Variants in FAM185A observed in about 807,000 individuals in gnomAD.
FAM185A encodes protein FAM185A.
Under a neutral mutation model 45.7 loss-of-function variants are expected in FAM185A, and 21 were observed. The ratio of observed to expected loss-of-function variants is 0.46; its 90% confidence interval spans 0.33 to 0.66. The LOEUF is 0.66. Ranked by LOEUF, FAM185A falls within the 30% of genes least tolerant of loss-of-function variation. FAM185A has a pLI of 0.03. For synonymous variants in FAM185A, 117 were observed against 194.0 expected, an observed-to-expected ratio of 0.60 and a Z score of 3.30; for missense variants, 305 against 485.4, an observed-to-expected ratio of 0.63 and a Z score of 3.49.
chr7:102,807,700 T>C (rs1584375894), intron 7 of FAM185A, among the ~76,000 whole-genome samples: 1 of 147,096 alleles, frequency 6.8e-6, no homozygotes, highest in Non-Finnish European at 1.5e-5. Context: ...GATCACGAGG[T>C]AAGGAGTTCG....
intron 6 of FAM185A, among the ~76,000 whole-genome samples, chr7:102,784,587 T>C (rs1795649654): frequency 6.6e-6 from 1 of 152,050 alleles, no homozygotes; most frequent in Non-Finnish European, 1.5e-5. Flanking sequence ...AAAAACCATA[T>C]GATTATCTCA....
intron 3 of FAM185A, among the ~76,000 whole-genome samples, chr7:102,760,579 AT>A (rs1794051176): frequency 6.6e-6 from 1 of 152,056 alleles, no homozygotes; most frequent in African/African-American, 2.4e-5. Context: ...CCTTAATCTG[AT>A]AAAAATTATT....
chr7:102,769,528 T>C (rs1794620563), intron 4 of FAM185A, among the ~76,000 whole-genome samples: 1 of 150,650 alleles, frequency 6.6e-6, no homozygotes, highest in Admixed American at 6.6e-5. Context: ...CTGGATTCAC[T>C]AGCTAAATGA....
intron 5 of FAM185A, among the ~76,000 whole-genome samples, chr7:102,776,507 C>T (rs1474182999): frequency 6.6e-6 from 1 of 152,004 alleles, no homozygotes; most frequent in Non-Finnish European, 1.5e-5. Flanking sequence ...CTTAAAGATA[C>T]CTGTTCAATT....
At chr7:102,825,674 C>A in the FAM185A span, among the ~76,000 whole-genome samples, 1 of 152,106 alleles carries the variant, frequency 6.6e-6, no homozygotes, top group Non-Finnish European at 1.5e-5. Flanking sequence ...ATATAAGGAC[C>A]AGTTTCACTG....
intron 7 of FAM185A, among the ~76,000 whole-genome samples, chr7:102,792,437 T>C (rs1796192179): frequency 9.5e-6 from 1 of 104,950 alleles, no homozygotes; most frequent in Non-Finnish European, 1.8e-5. Context: ...AAATTTAACA[T>C]GTTGTGAGTG....
At chr7:102,782,665 A>G (rs954567620) in intron 6 of FAM185A, among the ~76,000 whole-genome samples, 111 of 152,246 alleles carry the variant, frequency 7.3e-4, no homozygotes, top group Admixed American at 1.5e-3. Context: ...AAACATGGAA[A>G]GGAACAACCA....
At chr7:102,824,651 A>G in the FAM185A span, among the ~76,000 whole-genome samples, 1 of 151,930 alleles carries the variant, frequency 6.6e-6, no homozygotes, top group African/African-American at 2.4e-5. Context: ...ACGCCCAACT[A>G]ATTTTTGTAT....
At chr7:102,752,261 T>C (rs1793407249) in intron 2 of FAM185A, among the ~76,000 whole-genome samples, 1 of 149,620 alleles carries the variant, frequency 6.7e-6, no homozygotes, top group Non-Finnish European at 1.5e-5. Flanking sequence ...TTCATCTTGT[T>C]TTGTAATTAA....
At chr7:102,835,602 T>TG in the FAM185A span, among the ~76,000 whole-genome samples, 137 of 109,556 alleles carry the variant, frequency 1.3e-3, 1 homozygote, top group African/African-American at 4.6e-3. Context: ...AAGGTGACAT[T>TG]GTTTTTTTTT....
At chr7:102,768,849 T>C (rs1794572035) in intron 4 of FAM185A, among the ~76,000 whole-genome samples, 1 of 152,112 alleles carries the variant, frequency 6.6e-6, no homozygotes, top group Admixed American at 6.5e-5. Context: ...GTCTGCTTTA[T>C]TGGAAAGAAG....
In FAM185A at chr7:102,775,016, T is replaced by G. The variant is rs147775461; in HGVS notation, c.836-2237T>G. 3.4e-4 allele frequency among the ~76,000 whole-genome samples: 51 copies of G among 152,184 alleles called. No individual in the cohort carries two copies. The East Asian group carries it at 7.5e-3, about 22-fold the overall frequency. On this transcript the variant is annotated intron_variant, in intron 5 of 7. Transcript: ENST00000413034. ...TGTGGTGTGTTTTGTTTTTGTTTTT[T>G]TTTTTTGCTTTTGCTGACTTTATTG...
At chr7:102,798,706 G>T (rs1303065526) in intron 7 of FAM185A, among the ~76,000 whole-genome samples, 2 of 152,150 alleles carry the variant, frequency 1.3e-5, no homozygotes, top group South Asian at 4.1e-4. Flanking sequence ...AGGATTTCCT[G>T]TTCTTTCCTC....
At chr7:102,763,170 A>G (rs1185349967) in intron 4 of FAM185A, among the ~76,000 whole-genome samples, 2 of 152,028 alleles carry the variant, frequency 1.3e-5, no homozygotes, top group Non-Finnish European at 2.9e-5. Context: ...CCTAGATGGT[A>G]GTAAAACAGG....
intron 5 of FAM185A, among the ~76,000 whole-genome samples, chr7:102,773,443 G>A (rs1794873631): frequency 6.6e-6 from 1 of 152,048 alleles, no homozygotes; most frequent in Non-Finnish European, 1.5e-5. Flanking sequence ...GGCTTAATTT[G>A]TTCATTCTAC....
At chr7:102,834,086 A>AAAAGAAAG in the FAM185A span, among the ~76,000 whole-genome samples, 3,746 of 93,560 alleles carry the variant, frequency 0.04, 147 homozygotes, top group South Asian at 0.064. Flanking sequence ...GGAAGGAAAG[A>AAAAGAAAG]AAAGAAAGAA....
At chr7:102,828,261 A>G in the FAM185A span, among the ~76,000 whole-genome samples, 6 of 152,120 alleles carry the variant, frequency 3.9e-5, no homozygotes, top group African/African-American at 7.2e-5. Context: ...TATTTCATTG[A>G]GCAGTGGTTT....
At chr7:102,804,653 C>T (rs1442409414) in intron 7 of FAM185A, among the ~76,000 whole-genome samples, 1 of 152,088 alleles carries the variant, frequency 6.6e-6, no homozygotes, top group African/African-American at 2.4e-5. Context: ...AACCCAAAAG[C>T]AAATGCAATA....
downstream of FAM185A, among the ~76,000 whole-genome samples, chr7:102,811,463 T>G (rs945638851): frequency 4.6e-5 from 7 of 152,210 alleles, no homozygotes; most frequent in African/African-American, 1.7e-4. Flanking sequence ...TTTTCTTCAT[T>G]TATGTAGCTG....
Sources: gnomAD v4.1 joint callset for allele counts (sites outside exome capture counted in the v4.1 genomes callset) on GRCh38, gnomAD v4.1.1 for gene constraint, MANE v1.5 for transcripts, NCBI Gene and HGNC (gene_info 2026-07-23, HGNC 2026-07-21) for gene names.